The following MAP3K13 variants were observed in gnomAD, a reference collection of about 807,000 sequenced individuals.
The protein encoded by MAP3K13 is mitogen-activated protein kinase kinase kinase 13, also known as leucine zipper-bearing kinase.
Under a neutral mutation model 104.0 loss-of-function variants are expected in MAP3K13, and 52 were observed. The observed-to-expected ratio is 0.50, with a 90% confidence interval of 0.40 to 0.63. The LOEUF is 0.63. MAP3K13 is among the 20% of genes least tolerant of loss of function. The pLI is 0.00. For missense variants in MAP3K13, 914 were observed against 1,218.5 expected (o/e 0.75, Z 3.72); for synonymous variants, 394 against 442.2 (o/e 0.89, Z 1.37).
chr3:185,373,329 T>G (rs1560071072), intron 1 of MAP3K13, among the ~76,000 whole-genome samples: 1 of 152,204 alleles, frequency 6.6e-6, no homozygotes, highest in Non-Finnish European at 1.5e-5. Context: ...TGTATGTAAT[T>G]CATAAAATAT....
chr3:185,414,045 T>C (rs1406063147), intron 1 of MAP3K13, among the ~76,000 whole-genome samples: 1 of 152,068 alleles, frequency 6.6e-6, no homozygotes, highest in Non-Finnish European at 1.5e-5. Flanking sequence ...GACAATACAG[T>C]GTTGTGGTTA....
At chr3:185,427,833 CTT>C (rs1291416442) in intron 1 of MAP3K13, among the ~76,000 whole-genome samples, 4 of 152,264 alleles carry the variant, frequency 2.6e-5, no homozygotes, top group Non-Finnish European at 4.4e-5. Context: ...AATCCCAACA[CTT>C]TGGGAGGCCG....
In MAP3K13 at chr3:185,354,215, A is replaced by G. The variant is rs535599206; in HGVS notation, c.-86+68572A>G. Among the ~76,000 whole-genome samples the G allele has an allele frequency of 6.6e-5, 10 of 151,732 alleles. No individual in the cohort carries two copies. In the South Asian group the frequency reaches 2.1e-3, roughly 32 times the overall value. ...TTCTTGTCATATTTGTCTCCAGGGG[A>G]CTTAGATGTTTCCCTAAGGGACAGG... On this transcript the variant is annotated intron_variant, in intron 2 of 14. Transcript: ENST00000424227.
In MAP3K13 at chr3:185,487,714, T is replaced by A. The variant is rs1166350897; in HGVS notation, c.*5258T>A. ...AGTGTGCTATGTTTTGTTTTCCCACTGAGCCAGAAGCCGAAATATTATACT... is the reference window on the plus strand; with the variant it reads ...AGTGTGCTATGTTTTGTTTTCCCACAGAGCCAGAAGCCGAAATATTATACT... On this transcript the variant is annotated 3_prime_UTR_variant, in exon 14 of 14. Transcript: ENST00000265026. 6.6e-6 allele frequency: 1 copy of A among 152,198 alleles called. No individual in the cohort carries two copies. 9.4% of individuals were successfully genotyped at this position (152,198 alleles called of 1,614,324 possible).
rs189515605 is a variant in MAP3K13, at chr3:185,465,991, C to T, written c.1505+128C>T. The T allele has an allele frequency of 7.7e-5, 57 of 737,236 alleles. No homozygotes were observed. In the African/African-American group the frequency reaches 8.4e-4, roughly 11 times the overall value. The allele number at this position is 737,236 out of a possible 1,614,324, so 45.7% of individuals were successfully genotyped here. On this transcript the variant is annotated intron_variant, in intron 9 of 13. Transcript: ENST00000265026. ...TTATTCATTCACCCAACATTCCTTCCGGGATGTGCTATGCACAGGTCCCTG... is the reference window on the plus strand; with the variant it reads ...TTATTCATTCACCCAACATTCCTTCTGGGATGTGCTATGCACAGGTCCCTG...
chr3:185,323,489 A>T (rs1721938723), intron 2 of MAP3K13, among the ~76,000 whole-genome samples: 1 of 151,952 alleles, frequency 6.6e-6, no homozygotes, highest in Admixed American at 6.6e-5. Context: ...ATGCACCTCC[A>T]CGTCCAGCTA....
chr3:185,467,049 CTCT>C (rs1717482983), intron 10 of MAP3K13, 86 bp downstream of exon 10: 5 of 1,484,278 alleles, frequency 3.4e-6, no homozygotes, highest in African/African-American at 2.8e-5. Context: ...CGGATGTGGC[CTCT>C]TCTTTAGCTC....
chr3:185,289,645 T>G (rs766465996), intron 2 of MAP3K13, among the ~76,000 whole-genome samples: 9 of 152,056 alleles, frequency 5.9e-5, no homozygotes, highest in Non-Finnish European at 1.2e-4. Context: ...GGTGCTTCTA[T>G]TAGAGGCAAA....
rs1218830110 is a variant in MAP3K13, at chr3:185,315,519, T to C, written c.-86+29876T>C. On this transcript the variant is annotated intron_variant, in intron 2 of 14. Transcript: ENST00000424227. This position sits in a 1 kb window ranked among gnomAD's most constrained non-coding sequence, Gnocchi z 4.3. ...CGACCATTAATTGAGAACGACTGCA[T>C]TAGAAAAATCATGGGAAAAAATATG... 6.6e-6 allele frequency among the ~76,000 whole-genome samples: 1 copy of C among 152,148 alleles called. No individual in the cohort carries two copies. The highest frequency in any genetic ancestry group is 1.5e-5 in the Non-Finnish European group (1 of 68,012).
rs759834442 is a variant in MAP3K13 at position 185,428,753 on chromosome 3, G to A, written c.172G>A (p.Glu58Lys). ...EKGMVRTELIESVHSPVTTTV... is the reference protein window; with the variant it reads ...EKGMVRTELIKSVHSPVTTTV... ...GGGGATGGTACGAACAGAGCTAATC[G>A]AGAGCGTGCACAGCCCCGTCACCAC... is the stretch of plus-strand genomic sequence containing the variant. The change falls in exon 2 of 14, where the codon GAG becomes AAG. Residue 58 changes from glutamate to lysine, a missense_variant. Around this residue, in one of 3 missense-constraint regions of MAP3K13, gnomAD observed 156 missense variants for 159.8 expected, o/e 0.98. Coordinates refer to ENST00000265026, the MANE Select transcript of MAP3K13 (RefSeq NM_004721.5). 1.1e-5 allele frequency: 17 copies of A among 1,614,080 alleles called. No individual in the cohort carries two copies. Among genetic ancestry groups the A allele is most frequent in the Non-Finnish European group, 1.4e-5 (16 of 1,180,050 alleles).
intron 2 of MAP3K13, among the ~76,000 whole-genome samples, chr3:185,298,831 A>T (rs566167905): frequency 1.3e-5 from 2 of 152,328 alleles, no homozygotes; most frequent in East Asian, 3.9e-4. Flanking sequence ...CGTTTAACTC[A>T]TTATCTCCTA....
chr3:185,284,169 T>C (rs984873895), intron 1 of MAP3K13, among the ~76,000 whole-genome samples: 6 of 152,110 alleles, frequency 3.9e-5, no homozygotes. Context: ...TTCTTCCTTA[T>C]CTTATAAGTA....
chr3:185,304,696 C>T (rs1455345760), intron 2 of MAP3K13, among the ~76,000 whole-genome samples: 2 of 151,992 alleles, frequency 1.3e-5, no homozygotes, highest in South Asian at 2.1e-4. Context: ...TACAGTGGCG[C>T]GATCTTGGCT....
intron 1 of MAP3K13, among the ~76,000 whole-genome samples, chr3:185,374,768 T>C (rs753374886): frequency 5.3e-5 from 8 of 151,964 alleles, no homozygotes; most frequent in Non-Finnish European, 7.4e-5. Context: ...CCTTTTTTTT[T>C]AGCAGTGAGT....
chr3:185,455,123 G>A lies in MAP3K13; in HGVS notation c.1278+3728G>A, dbSNP rs1422992585. 5.5e-5 allele frequency among the ~76,000 whole-genome samples: 6 copies of A among 109,596 alleles called. 1 individual carries two copies. Among genetic ancestry groups the A allele is most frequent in the African/African-American group, 1.4e-4 (4 of 28,280 alleles). The allele number at this position is 109,596 out of a possible 152,430, so 71.9% of individuals were successfully genotyped here. A position where few individuals can be genotyped will look rare whatever the true frequency, so the allele number is the denominator to read the frequency against. ...TATATGTGAGATATATGAGATATAT[G>A]TGAGATATATATATGATATATATGT... is the stretch of plus-strand genomic sequence containing the variant. On this transcript the variant is annotated intron_variant, in intron 7 of 13. Coordinates refer to ENST00000265026, the MANE Select transcript of MAP3K13 (RefSeq NM_004721.5).
intron 3 of MAP3K13, among the ~76,000 whole-genome samples, chr3:185,437,900 G>A (rs1254882970): frequency 6.6e-6 from 1 of 152,130 alleles, no homozygotes; most frequent in East Asian, 1.9e-4. Context: ...GAAAATGTGG[G>A]TTCCTGCCAA....
chr3:185,338,746 C>G (rs1436285147), intron 2 of MAP3K13, among the ~76,000 whole-genome samples: 1 of 152,026 alleles, frequency 6.6e-6, no homozygotes, highest in Non-Finnish European at 1.5e-5. Context: ...CTCCCCTTTC[C>G]TGCTACATCC....
intron 2 of MAP3K13, among the ~76,000 whole-genome samples, chr3:185,290,124 CG>C (rs1431721546): frequency 1.3e-5 from 2 of 151,910 alleles, no homozygotes; most frequent in Admixed American, 6.6e-5. Context: ...TCTTGAATAA[CG>C]TTTTTTTTGG....
chr3:185,329,636 G>A lies in MAP3K13; in HGVS notation c.-86+43993G>A, dbSNP rs1330199767. On this transcript the variant is annotated intron_variant, in intron 2 of 14. Transcript: ENST00000424227. ...GACTAAATTCCCAGTACTATGGTGCGTAAAATGAGTTTCATATATGAAATT... is the reference window on the plus strand; with the variant it reads ...GACTAAATTCCCAGTACTATGGTGCATAAAATGAGTTTCATATATGAAATT... Among the ~76,000 whole-genome samples the A allele has an allele frequency of 4.6e-5, 7 of 152,140 alleles. 1 individual carries two copies. The highest frequency in any genetic ancestry group is 2.1e-4 in the South Asian group (1 of 4,828).
Sources: gnomAD v4.1 joint callset for allele counts (sites outside exome capture counted in the v4.1 genomes callset) on GRCh38, gnomAD v4.1.1 for gene constraint, gnomAD v4.1.1 regional missense constraint, Gnocchi (gnomAD v3.1) non-coding constraint, MANE v1.5 for transcripts, NCBI Gene and HGNC (gene_info 2026-07-23, HGNC 2026-07-21) for gene names.